Variants in ZNF469 observed in about 807,000 individuals in gnomAD.
The protein encoded by ZNF469 is zinc finger protein 469.
ZNF469 carries 1 observed loss-of-function variant against 1.0 expected under a neutral mutation model. That is an observed-to-expected ratio of 1.00 (90% confidence interval 0.35 to 4.73). ZNF469 has a LOEUF of 4.73. Among genes scored for constraint, ZNF469 ranks in the 30% most tolerant of loss-of-function variants. ZNF469 has a pLI of 0.16. For synonymous variants in ZNF469, 2,703 were observed against 2,363.4 expected (o/e 1.14, Z -4.17); for missense variants, 6,100 against 5,356.3 (o/e 1.14, Z -4.33).
the ZNF469 span, among the ~76,000 whole-genome samples, chr16:88,279,255 G>GACGCTCGCTCAGTACC: frequency 6.8e-6 from 1 of 147,438 alleles, no homozygotes; most frequent in Non-Finnish European, 1.5e-5. Flanking sequence ...GTGCCACGCC[G>GACGCTCGCTCAGTACC]ATGCTCGGTC....
chr16:88,338,476 G>C, the ZNF469 span, among the ~76,000 whole-genome samples: 1 of 152,192 alleles, frequency 6.6e-6, no homozygotes, highest in Admixed American at 6.5e-5. Context: ...CACGCCCCCA[G>C]GGTGTGTTTG....
At chr16:88,185,660 C>G in the ZNF469 span, among the ~76,000 whole-genome samples, 4 of 151,548 alleles carry the variant, frequency 2.6e-5, no homozygotes, top group Non-Finnish European at 5.9e-5. Flanking sequence ...ATAGTATATG[C>G]ACACACTCAT....
At chr16:88,403,571 G>A (rs945556635) in intron 1 of ZNF469, among the ~76,000 whole-genome samples, 4 of 152,228 alleles carry the variant, frequency 2.6e-5, no homozygotes, top group African/African-American at 9.6e-5. Context: ...GCAGAGGCCA[G>A]GGAGGGTGGG....
the ZNF469 span, among the ~76,000 whole-genome samples, chr16:88,285,820 C>A: frequency 1.3e-5 from 2 of 152,348 alleles, no homozygotes; most frequent in South Asian, 4.1e-4. Context: ...ACCCTCGTCA[C>A]AGTGCAGTGG....
chr16:88,289,286 T>C, the ZNF469 span, among the ~76,000 whole-genome samples: 8 of 149,722 alleles, frequency 5.3e-5, no homozygotes, highest in Admixed American at 2.0e-4. Context: ...AGGGTGATGG[T>C]GATGATGATG....
At chr16:88,164,239 A>G in the ZNF469 span, among the ~76,000 whole-genome samples, 2 of 146,582 alleles carry the variant, frequency 1.4e-5, no homozygotes, top group Non-Finnish European at 2.9e-5. Flanking sequence ...GGATAAGTGG[A>G]TGAATAGTTG....
At chr16:88,103,173 G>A in the ZNF469 span, among the ~76,000 whole-genome samples, 2 of 151,698 alleles carry the variant, frequency 1.3e-5, no homozygotes, top group African/African-American at 2.4e-5. Context: ...AGCAGGAACA[G>A]GACAGATGGT....
chr16:88,313,451 T>G, the ZNF469 span, among the ~76,000 whole-genome samples: 1 of 152,188 alleles, frequency 6.6e-6, no homozygotes. Flanking sequence ...ATCTCTGTCT[T>G]ATTTCACTAT....
At chr16:88,137,097 G>T in the ZNF469 span, among the ~76,000 whole-genome samples, 9 of 152,088 alleles carry the variant, frequency 5.9e-5, no homozygotes, top group Non-Finnish European at 1.3e-4. Context: ...AACCATGCAT[G>T]TGCAAGTCAT....
the ZNF469 span, among the ~76,000 whole-genome samples, chr16:88,299,473 C>G: frequency 6.6e-6 from 1 of 152,328 alleles, no homozygotes; most frequent in East Asian, 1.9e-4. Context: ...AGGGAACCAG[C>G]CAGGCTGCTC....
At chr16:88,346,022 G>C in the ZNF469 span, among the ~76,000 whole-genome samples, 1 of 152,202 alleles carries the variant, frequency 6.6e-6, no homozygotes, top group African/African-American at 2.4e-5. Flanking sequence ...GTGAGAGGTG[G>C]GGCTCTGGAC....
At chr16:88,132,474 C>G in the ZNF469 span, among the ~76,000 whole-genome samples, 364 of 152,332 alleles carry the variant, frequency 2.4e-3, 2 homozygotes, top group African/African-American at 8.4e-3. Flanking sequence ...CCATGGGGCT[C>G]GAGAGACTGA....
the ZNF469 span, chr16:88,234,837 G>C: frequency 6.6e-6 from 1 of 152,200 alleles, no homozygotes. Context: ...TGGGGCGGCC[G>C]GACGCAGTGC....
In ZNF469 at chr16:88,429,800, C is replaced by A; in HGVS notation, c.2330C>A (p.Pro777His). 6.5e-7 allele frequency: 1 copy of A among 1,545,346 alleles called. No individual in the cohort carries two copies. The highest frequency in any genetic ancestry group is 8.7e-7 in the Non-Finnish European group (1 of 1,144,300). The change falls in exon 3 of 3, where the codon CCC (proline) becomes CAC (histidine). Residue 777 changes from proline (P) to histidine (H), a missense_variant. Pro to His is a moderately conservative substitution (Grantham distance 77). Transcript: ENST00000565624. ...SPGPPGLPSP[P>H]AAPRVPADAH... ...GGCCCCCCTGGGCTCCCCTCGCCCC[C>A]CGCTGCCCCCAGAGTCCCTGCCGAC...
chr16:88,237,149 ACG>A, the ZNF469 span, among the ~76,000 whole-genome samples: 6 of 103,382 alleles, frequency 5.8e-5, no homozygotes, highest in East Asian at 3.1e-4. Context: ...TGCTCCTGCC[ACG>A]GACCCTCCCT....
chr16:88,103,572 G>A, the ZNF469 span, among the ~76,000 whole-genome samples: 248 of 152,312 alleles, frequency 1.6e-3, 2 homozygotes, highest in African/African-American at 5.7e-3. Flanking sequence ...ATCCCTTGGG[G>A]GGGATCAGGA....
rs1210620885 is a variant in ZNF469 at position 88,438,798 on chromosome 16, A to G, written c.11328A>G (p.Ala3776=). ...AKPSFPSRSP[A]PERLPARAQA... ...CCAGCTTCCCCAGCCGGAGCCCTGC[A>G]CCAGAGAGGCTCCCCGCTCGAGCCC... Residue 3776 remains alanine (A), a synonymous_variant, in exon 3 of 3, where the codon GCA becomes GCG. Coordinates refer to ENST00000565624, the MANE Select transcript of ZNF469 (RefSeq NM_001367624.2). 3.9e-6 allele frequency: 6 copies of G among 1,550,132 alleles called. No homozygotes were observed. The African/African-American group carries it at 8.2e-5, about 21-fold the overall frequency.
In ZNF469 at chr16:88,428,656, G is replaced by C. The variant is rs959021561; in HGVS notation, c.1186G>C (p.Gly396Arg). The change falls in exon 3 of 3, where the codon GGG (glycine) becomes CGG (arginine). Residue 396 changes from glycine to arginine, a missense_variant. Coordinates refer to ENST00000565624, the MANE Select transcript of ZNF469 (RefSeq NM_001367624.2). ...SAQDGLGSTR[G>R]PPSSLPQRHF... ...CCAGGATGGGCTGGGGAGCACGAGAGGGCCCCCTAGCTCCCTACCCCAGAG... is the reference window on the plus strand; with the variant it reads ...CCAGGATGGGCTGGGGAGCACGAGACGGCCCCCTAGCTCCCTACCCCAGAG... 6.5e-7 allele frequency: 1 copy of C among 1,550,092 alleles called. No individual in the cohort carries two copies. Among genetic ancestry groups the C allele is most frequent in the Admixed American group, 2.0e-5 (1 of 51,010 alleles).
chr16:88,430,265 C>A lies in ZNF469; in HGVS notation c.2795C>A (p.Ala932Asp). The A allele has an allele frequency of 6.6e-7, 1 of 1,518,930 alleles. No individual in the cohort carries two copies. The highest frequency in any genetic ancestry group is 1.2e-5 in the South Asian group (1 of 80,980). 94.1% of individuals were successfully genotyped at this position (1,518,930 alleles called of 1,614,324 possible). The part of the protein sequence containing the change: ...GRPKTRSLGL[A>D]PTEADAPSQG... ...CCCAAAACGCGTTCCCTGGGTCTGG[C>A]CCCCACCGAGGCGGATGCGCCCAGC... Residue 932 changes from alanine (A) to aspartate (D), a missense_variant, in exon 3 of 3, where the codon GCC (alanine) becomes GAC (aspartate). Ala to Asp is a moderately radical substitution (Grantham distance 126). Transcript: ENST00000565624.
Sources: gnomAD v4.1 joint callset for allele counts (sites outside exome capture counted in the v4.1 genomes callset) on GRCh38, gnomAD v4.1.1 for gene constraint, MANE v1.5 for transcripts, NCBI Gene and HGNC (gene_info 2026-07-23, HGNC 2026-07-21) for gene names.